SPATA9: variants seen among roughly 807,000 people sequenced by gnomAD.
SPATA9 encodes spermatogenesis-associated protein 9.
In SPATA9, 27 loss-of-function variants were observed where a neutral mutation model predicts 25.5. The observed-to-expected ratio is 1.06, with a 90% CI of 0.78 to 1.46. The LOEUF (loss-of-function observed/expected upper bound fraction) is 1.46. SPATA9 is among the 40% of genes most tolerant of loss of function. The pLI is 0.00. For missense variants in SPATA9, 282 were observed against 297.5 expected (o/e 0.95, Z 0.38); for synonymous variants, 102 against 105.7 (o/e 0.97, Z 0.21).
At chr5:95,653,437 T>C (rs939746429), downstream of SPATA9, among the ~76,000 whole-genome samples, 1 of 152,240 alleles carries the variant, frequency 6.6e-6, no homozygotes, top group African/African-American at 2.4e-5. Flanking sequence ...TGATAGGAAA[T>C]AAAGGGATAG....
chr5:95,684,046 G>C (rs181184310), upstream of SPATA9, among the ~76,000 whole-genome samples: 11 of 152,146 alleles, frequency 7.2e-5, no homozygotes, highest in South Asian at 1.0e-3. Context: ...AAAATCCCCA[G>C]CTCTCATGGT....
upstream of SPATA9, among the ~76,000 whole-genome samples, chr5:95,686,423 C>T (rs1226053480): frequency 1.3e-5 from 2 of 151,352 alleles, no homozygotes; most frequent in African/African-American, 2.4e-5. Context: ...AGTAAAAAGC[C>T]CCCAAAACCT....
the SPATA9 span, among the ~76,000 whole-genome samples, chr5:95,722,820 G>C: frequency 6.6e-6 from 1 of 152,176 alleles, no homozygotes; most frequent in Non-Finnish European, 1.5e-5. Context: ...CTAAATAACA[G>C]AGCAGGCATA....
downstream of SPATA9, chr5:95,652,318 C>T (rs201059797): frequency 8.4e-4 from 1,302 of 1,550,958 alleles, 14 homozygotes; most frequent in Middle Eastern, 9.5e-3. Context: ...TCCTTATCTA[C>T]ACTTCCTCTC....
chr5:95,697,908 A>ATGACATTCCATG (rs58474152), intron 1 of SPATA9, among the ~76,000 whole-genome samples: 1 of 151,748 alleles, frequency 6.6e-6, no homozygotes, highest in African/African-American at 2.4e-5. Flanking sequence ...ATTCCATGAA[A>ATGACATTCCATG]AAAAAAAAAG....
intron 1 of SPATA9, among the ~76,000 whole-genome samples, chr5:95,697,905 GAA>G (rs199565882): frequency 2.1e-5 from 3 of 139,766 alleles, no homozygotes; most frequent in Non-Finnish European, 1.6e-5. Context: ...GACATTCCAT[GAA>G]AAAAAAAAAA....
chr5:95,694,969 C>T (rs932628332), intron 1 of SPATA9, among the ~76,000 whole-genome samples: 1 of 151,970 alleles, frequency 6.6e-6, no homozygotes, highest in African/African-American at 2.4e-5. Context: ...TTGAAAGCTA[C>T]TAATCTAAGT....
chr5:95,708,271 C>T, the SPATA9 span, among the ~76,000 whole-genome samples: 2 of 151,978 alleles, frequency 1.3e-5, no homozygotes, highest in African/African-American at 4.8e-5. Context: ...CTAGAGCAGT[C>T]AAAGGCCGGA....
downstream of SPATA9, chr5:95,655,974 C>T: frequency 7.2e-7 from 1 of 1,387,300 alleles, no homozygotes; most frequent in South Asian, 1.3e-5. Context: ...GGTTCTTCTG[C>T]AGCAGACTCT....
the SPATA9 span, chr5:95,708,725 G>T: frequency 1.5e-5 from 10 of 682,152 alleles, no homozygotes; most frequent in South Asian, 1.2e-4. Context: ...GGTAAGTTGT[G>T]TTGTTCTTCA....
intron 1 of SPATA9, among the ~76,000 whole-genome samples, chr5:95,692,191 C>T (rs898424380): frequency 2.0e-5 from 3 of 152,034 alleles, no homozygotes; most frequent in African/African-American, 4.8e-5. Flanking sequence ...AGGTTTGCAT[C>T]TTTCAGTGGT....
chr5:95,690,667 A>G (rs1346949352), intron 1 of SPATA9, among the ~76,000 whole-genome samples: 1 of 152,176 alleles, frequency 6.6e-6, no homozygotes, highest in African/African-American at 2.4e-5. Context: ...ATGTAATGCA[A>G]TATGAAGTAT....
chr5:95,678,116 C>T (rs1753113430), intron 2 of SPATA9, among the ~76,000 whole-genome samples: 1 of 152,194 alleles, frequency 6.6e-6, no homozygotes, highest in Non-Finnish European at 1.5e-5. Flanking sequence ...ATGGCTCACA[C>T]CTGTAATCCC....
At chr5:95,692,463 C>T (rs1271006209) in intron 1 of SPATA9, among the ~76,000 whole-genome samples, 1 of 151,934 alleles carries the variant, frequency 6.6e-6, no homozygotes, top group African/African-American at 2.4e-5. Context: ...AAATATGTTG[C>T]CACAGAACTG....
At chr5:95,670,706 C>T (rs1462209605) in intron 3 of SPATA9, among the ~76,000 whole-genome samples, 1 of 152,200 alleles carries the variant, frequency 6.6e-6, no homozygotes, top group Non-Finnish European at 1.5e-5. Flanking sequence ...GTAAGCTGAA[C>T]TCTGTCTGAT....
the SPATA9 span, among the ~76,000 whole-genome samples, chr5:95,712,072 G>A: frequency 2.0e-5 from 3 of 152,152 alleles, no homozygotes; most frequent in Non-Finnish European, 4.4e-5. Context: ...TTGCAAGGCC[G>A]GGACTCCATA....
Position 95,658,695 on chromosome 5 carries a change from A to G in SPATA9, c.693T>C (p.Asn231=), listed in dbSNP as rs1020081202. The G allele has an allele frequency of 1.9e-6, 3 of 1,613,832 alleles. No individual in the cohort carries two copies. Among genetic ancestry groups the G allele is most frequent in the African/African-American group, 2.7e-5 (2 of 75,010 alleles). Residue 231 remains asparagine (N), a synonymous_variant, in exon 5 of 5, where the codon AAT becomes AAC. Coordinates refer to ENST00000274432, the MANE Select transcript of SPATA9 (RefSeq NM_031952.4). ...AAACTTGGATGTTATTACTCTGCTTATTAGCAAGAAGCTTGGGGTAATCTG... is the reference window on the plus strand; with the variant it reads ...AAACTTGGATGTTATTACTCTGCTTGTTAGCAAGAAGCTTGGGGTAATCTG... The part of the protein sequence containing the change: ...DISDYPKLLA[N]KQSNNIQVLH...
At chr5:95,675,014 C>T (rs186053737) in intron 3 of SPATA9, among the ~76,000 whole-genome samples, 16 of 152,140 alleles carry the variant, frequency 1.1e-4, no homozygotes, top group African/African-American at 2.9e-4. Flanking sequence ...ATGTAGAAAA[C>T]GTAATTTGAA....
chr5:95,672,563 CAT>C (rs1160065447), intron 3 of SPATA9, among the ~76,000 whole-genome samples: 1 of 151,134 alleles, frequency 6.6e-6, no homozygotes, highest in African/African-American at 2.4e-5. Context: ...ATATAGATCA[CAT>C]AAGATAATTA....
Sources: allele counts gnomAD v4.1 joint callset (sites outside exome capture counted in the v4.1 genomes callset), GRCh38; gene constraint gnomAD v4.1.1; transcripts MANE v1.5; gene names NCBI Gene and HGNC (gene_info 2026-07-23, HGNC 2026-07-21).